IFI44: variants seen among roughly 807,000 people sequenced by gnomAD.
The protein encoded by IFI44 is interferon-induced protein 44.
IFI44 carries 42 observed loss-of-function variants against 45.0 expected under a neutral mutation model. The observed-to-expected ratio is 0.93, with a 90% CI of 0.73 to 1.21. IFI44 has a LOEUF of 1.21. Among genes scored for constraint, IFI44 ranks in the 50% most tolerant of loss-of-function variants. The pLI is 0.00. For missense variants in IFI44, 623 were observed against 525.8 expected, an observed-to-expected ratio of 1.18 and a Z score of -1.81; for synonymous variants, 221 against 188.6, an observed-to-expected ratio of 1.17 and a Z score of -1.41.
intron 6 of IFI44, among the ~76,000 whole-genome samples, chr1:78,659,990 A>G (rs1360406460): frequency 6.6e-6 from 1 of 152,188 alleles, no homozygotes; most frequent in Non-Finnish European, 1.5e-5. Context: ...TTCTTGTCAT[A>G]TCCACTTTGA....
At chr1:78,652,059 G>T (rs1647132854) in intron 2 of IFI44, among the ~76,000 whole-genome samples, 1 of 152,070 alleles carries the variant, frequency 6.6e-6, no homozygotes. Flanking sequence ...TTTCAAGGCA[G>T]GCAAGCATGC....
Position 78,652,458 on chromosome 1 carries a change from C to T in IFI44, c.458-1785C>T, listed in dbSNP as rs1055975828. Among the ~76,000 whole-genome samples, 6 of 152,082 alleles carry T rather than the reference C, an allele frequency of 3.9e-5. No homozygotes were observed. The East Asian group carries it at 7.7e-4, about 20-fold the overall frequency. ...GACGTTCAAGAGATGTGTAGTATTC[C>T]GTGTGGGAAATATCATTAGTCTATT... is the stretch of plus-strand genomic sequence containing the variant. On this transcript the variant is annotated intron_variant, in intron 2 of 8. Transcript: ENST00000370747.
intron 5 of IFI44, among the ~76,000 whole-genome samples, chr1:78,657,354 C>G (rs1570396767): frequency 1.3e-5 from 2 of 152,134 alleles, no homozygotes; most frequent in Admixed American, 1.3e-4. Flanking sequence ...TCTACGTAAT[C>G]TGAACTCCAT....
At chr1:78,652,682 T>C (rs1215714004) in intron 2 of IFI44, among the ~76,000 whole-genome samples, 1 of 152,250 alleles carries the variant, frequency 6.6e-6, no homozygotes, top group African/African-American at 2.4e-5. Flanking sequence ...TAGTATTCCA[T>C]TGTGGTGCAT....
intron 5 of IFI44, 51 bp from the exon 6 acceptor site, chr1:78,659,261 T>C (rs1264430655): frequency 3.4e-6 from 5 of 1,450,556 alleles, no homozygotes; most frequent in Non-Finnish European, 3.8e-6. Context: ...ACATAGTTTG[T>C]GCTCATAAAT....
intron 2 of IFI44, among the ~76,000 whole-genome samples, chr1:78,653,758 T>C (rs1310972349): frequency 6.6e-6 from 1 of 152,204 alleles, no homozygotes; most frequent in Admixed American, 6.5e-5. Flanking sequence ...GAGTTCCAAT[T>C]GTTAATAGCA....
chr1:78,654,228 T>C lies in IFI44; in HGVS notation c.458-15T>C. On this transcript the variant is annotated splice_polypyrimidine_tract_variant and intron_variant, in intron 2 of 8. Coordinates refer to ENST00000370747, the MANE Select transcript of IFI44 (RefSeq NM_006417.5). Reference sequence around the variant, plus strand: ...ACAACTTCTAATCTACATTATTCTTTGATTATTTCCCCAGATTCACTGGAT... The same window carrying C: ...ACAACTTCTAATCTACATTATTCTTCGATTATTTCCCCAGATTCACTGGAT... 7.1e-7 allele frequency: 1 copy of C among 1,415,834 alleles called. No individual in the cohort carries two copies. Among genetic ancestry groups the C allele is most frequent in the African/African-American group, 1.4e-5 (1 of 70,980 alleles). The allele number at this position is 1,415,834 out of a possible 1,614,324, so 87.7% of individuals were successfully genotyped here.
rs766004920 is a variant in IFI44, at chr1:78,650,542, T to C, written c.347T>C (p.Ile116Thr). The change falls in exon 2 of 9, where the codon ATA becomes ACA. Residue 116 changes from isoleucine (I) to threonine (T), a missense_variant. Ile to Thr is a moderately conservative substitution (Grantham distance 89, BLOSUM62 -1). Coordinates refer to ENST00000370747, the MANE Select transcript of IFI44 (RefSeq NM_006417.5). Reference sequence around the variant, plus strand: ...TATAACTCCCCAACTAATTTCCAGATAGATGGAAGAAATAGAAAAGTGATT... The same window carrying C: ...TATAACTCCCCAACTAATTTCCAGACAGATGGAAGAAATAGAAAAGTGATT... ...TKYNSPTNFQ[I>T]DGRNRKVIMD... is the part of the protein sequence containing the mutation. The C allele has an allele frequency of 2.7e-5, 44 of 1,613,544 alleles. No individual in the cohort carries two copies. The South Asian group carries it at 4.6e-4, about 17-fold the overall frequency.
chr1:78,652,896 C>T (rs1325617318), intron 2 of IFI44, among the ~76,000 whole-genome samples: 2 of 152,014 alleles, frequency 1.3e-5, no homozygotes, highest in African/African-American at 2.4e-5. Context: ...TGAAATTTCC[C>T]AACATAGTTT....
chr1:78,653,094 T>C (rs1647149663), intron 2 of IFI44, among the ~76,000 whole-genome samples: 1 of 152,074 alleles, frequency 6.6e-6, no homozygotes, highest in African/African-American at 2.4e-5. Context: ...AAATAATCAA[T>C]TACTATATTA....
chr1:78,655,609 G>A (rs1442064610), intron 5 of IFI44, 98 bp downstream of exon 5: 5 of 1,100,522 alleles, frequency 4.5e-6, no homozygotes, highest in East Asian at 5.3e-5. Flanking sequence ...ACTTGCTCAA[G>A]ATCCTTTGTC....
rs1040044030 is a variant in IFI44, at chr1:78,663,923, A to G, written c.*112A>G. The G allele has an allele frequency of 2.3e-6, 2 of 885,244 alleles. No individual in the cohort carries two copies. The highest frequency in any genetic ancestry group is 3.4e-6 in the Non-Finnish European group (2 of 594,172). The allele number at this position is 885,244 out of a possible 1,614,324, so 54.8% of individuals were successfully genotyped here. Reference sequence around the variant, plus strand: ...AAGACCAAAGGGATGTGTTTTATTAATGTCTAGGATGAAGAAATGCATAGA... The same window carrying G: ...AAGACCAAAGGGATGTGTTTTATTAGTGTCTAGGATGAAGAAATGCATAGA... On this transcript the variant is annotated 3_prime_UTR_variant, in exon 9 of 9. Coordinates refer to ENST00000370747, the MANE Select transcript of IFI44 (RefSeq NM_006417.5).
chr1:78,661,828 C>T (rs1489058557), intron 7 of IFI44, among the ~76,000 whole-genome samples: 1 of 151,864 alleles, frequency 6.6e-6, no homozygotes, highest in Non-Finnish European at 1.5e-5. Context: ...AATGAAGAGA[C>T]AAAAAGGGCC....
Position 78,663,749 on chromosome 1 carries a change from G to C in IFI44, c.1289-16G>C. On this transcript the variant is annotated splice_polypyrimidine_tract_variant and intron_variant, in intron 8 of 8. Coordinates refer to ENST00000370747, the MANE Select transcript of IFI44 (RefSeq NM_006417.5). ...TGAGATAATCCACTAAGAATATTTT[G>C]TGTTTCTTTTCTCAGGGAATCTAAG... 1.9e-6 allele frequency: 3 copies of C among 1,610,226 alleles called. No individual in the cohort carries two copies. Among genetic ancestry groups the C allele is most frequent in the Middle Eastern group, 1.7e-4 (1 of 6,052 alleles).
chr1:78,659,227 T>C, intron 5 of IFI44, 85 bp from the exon 6 acceptor site: 1 of 1,084,808 alleles, frequency 9.2e-7, no homozygotes. Flanking sequence ...GTTTACCATT[T>C]GATTCACTTG....
chr1:78,655,524 T>TA lies in IFI44; in HGVS notation c.840+15dup. On this transcript the variant is annotated intron_variant, in intron 5 of 8. Coordinates refer to ENST00000370747, the MANE Select transcript of IFI44 (RefSeq NM_006417.5). ...TGATAGATACCAGGTAATATTTGAC[T>TA]AATGAGAAATTATAACTGATTTTTA... 1.3e-6 allele frequency: 2 copies of TA among 1,588,398 alleles called. No homozygotes were observed. Among genetic ancestry groups the TA allele is most frequent in the Non-Finnish European group, 1.7e-6 (2 of 1,166,306 alleles).
chr1:78,651,072 C>G (rs1190808429), intron 2 of IFI44, among the ~76,000 whole-genome samples: 1 of 152,170 alleles, frequency 6.6e-6, no homozygotes, highest in Non-Finnish European at 1.5e-5. Flanking sequence ...TGACGACTTA[C>G]CATGTACCAG....
rs1326464225 is a variant in IFI44 at position 78,659,418 on chromosome 1, T to G, written c.947T>G (p.Ile316Ser). The change falls in exon 6 of 9, where the codon ATT (isoleucine) becomes AGT (serine). Residue 316 changes from isoleucine (I) to serine (S), a missense_variant. By Grantham distance (142) the Ile-to-Ser change is moderately radical. Transcript: ENST00000370747. ...CVAFVFDASS[I>S]QYFSSQMIVK... ...GCATTTGTATTTGATGCCAGCTCTA[T>G]TCAATACTTCTCCTCTCAGATGATA... 6.2e-7 allele frequency: 1 copy of G among 1,613,492 alleles called. No individual in the cohort carries two copies. Among genetic ancestry groups the G allele is most frequent in the East Asian group, 2.2e-5 (1 of 44,836 alleles).
At chr1:78,659,774 G>A (rs1180416084) in intron 6 of IFI44, among the ~76,000 whole-genome samples, 1 of 152,068 alleles carries the variant, frequency 6.6e-6, no homozygotes, top group Non-Finnish European at 1.5e-5. Context: ...ATATGTGAAG[G>A]GTAGTACAAT....
Sources: gnomAD v4.1 joint callset for allele counts (sites outside exome capture counted in the v4.1 genomes callset) on GRCh38, gnomAD v4.1.1 for gene constraint, MANE v1.5 for transcripts, NCBI Gene and HGNC (gene_info 2026-07-23, HGNC 2026-07-21) for gene names.